The following HERC1 variants were observed in gnomAD, a reference collection of about 807,000 sequenced individuals.
The protein encoded by HERC1 is HECT and RLD domain containing E3 ubiquitin protein ligase family member 1.
HERC1 carries 160 observed loss-of-function variants against 554.3 expected under a neutral mutation model. The observed-to-expected ratio is 0.29, with a 90% confidence interval of 0.25 to 0.33. The LOEUF is 0.33. Among genes scored for constraint, HERC1 ranks in the 10% least tolerant of loss-of-function variants. The probability of loss-of-function intolerance (pLI) is 1.00; values close to 1 mark genes in which losing one functional copy is unlikely to be tolerated. For missense variants in HERC1, 4,919 were observed against 5,918.5 expected (o/e 0.83, Z 5.54); for synonymous variants, 2,175 against 2,131.7 (o/e 1.02, Z -0.56).
intron 74 of HERC1, among the ~76,000 whole-genome samples, chr15:63,622,206 C>T (rs1490907524): frequency 1.3e-5 from 2 of 152,072 alleles, no homozygotes; most frequent in Non-Finnish European, 2.9e-5. Flanking sequence ...ATGGGGAGGC[C>T]ATGTGGGCCT....
chr15:63,756,374 G>T lies in HERC1; in HGVS notation c.1533+63C>A. 1 of 1,353,438 alleles carries T rather than the reference G, an allele frequency of 7.4e-7. No homozygotes were observed. The highest frequency in any genetic ancestry group is 1.4e-5 in the South Asian group (1 of 73,044). 83.8% of individuals were successfully genotyped at this position (1,353,438 alleles called of 1,614,324 possible). A position where few individuals can be genotyped will look rare whatever the true frequency, so the allele number is the denominator to read the frequency against. On this transcript the variant is annotated intron_variant, in intron 5 of 77. Coordinates refer to ENST00000443617, the MANE Select transcript of HERC1 (RefSeq NM_003922.4). This position sits in a 1 kb window ranked among gnomAD's most constrained non-coding sequence, Gnocchi z 5.0. ...AGAAAGAACACATCAAAATCTGAACGACATTGTCAATTACAACTCCAATGC... is the reference window on the plus strand; with the variant it reads ...AGAAAGAACACATCAAAATCTGAACTACATTGTCAATTACAACTCCAATGC...
Position 63,677,175 on chromosome 15 carries a change from T to C in HERC1, c.7070+670A>G, listed in dbSNP as rs1420434352. On this transcript the variant is annotated intron_variant, in intron 37 of 77. Coordinates refer to ENST00000443617, the MANE Select transcript of HERC1 (RefSeq NM_003922.4). This position sits in a 1 kb window ranked among gnomAD's most constrained non-coding sequence, Gnocchi z 4.4. ...CAATGGAAATATTCATTGGAGCACT[T>C]TGGATTTTGGATTTTTGGATTTGGG... 1.3e-5 allele frequency among the ~76,000 whole-genome samples: 2 copies of C among 152,184 alleles called. No individual in the cohort carries two copies. The highest frequency in any genetic ancestry group is 4.1e-4 in the South Asian group (2 of 4,836).
intron 32 of HERC1, among the ~76,000 whole-genome samples, chr15:63,690,166 CAAAAAAA>C (rs373716359): frequency 3.9e-5 from 3 of 77,832 alleles, no homozygotes; most frequent in South Asian, 4.4e-4. Flanking sequence ...GACTCCATCT[CAAAAAAA>C]AAAAAAAAAA....
intron 34 of HERC1, among the ~76,000 whole-genome samples, chr15:63,684,350 T>C (rs1181903577): frequency 6.6e-6 from 1 of 152,320 alleles, no homozygotes; most frequent in South Asian, 2.1e-4. Flanking sequence ...GCCCACTGGA[T>C]AAATGATTAG....
rs34447047 is a variant in HERC1 at position 63,616,250 on chromosome 15, C to CTCTA, written c.13941+176_13941+179dup. ...AGGAGCAACTAAGTGCAGGAGCCTG[C>CTCTA]TCTATTAGAAGCTGTTTAAACTGCT... On this transcript the variant is annotated intron_variant, in intron 75 of 77. Transcript: ENST00000443617. 0.81 allele frequency among the ~76,000 whole-genome samples: 123,487 copies of CTCTA among 151,758 alleles called. 52,105 individuals are homozygous for CTCTA. Among genetic ancestry groups the CTCTA allele is most frequent in the Non-Finnish European group, 0.88 (59,462 of 67,888 alleles).
At position 63,692,121 on chromosome 15, in the gene HERC1, C is replaced by T. The variant is rs2072148492; in HGVS notation, c.5830+290G>A. On this transcript the variant is annotated intron_variant, in intron 31 of 77. Coordinates refer to ENST00000443617, the MANE Select transcript of HERC1 (RefSeq NM_003922.4). The surrounding 1 kb of genome is among the most constrained non-coding windows in gnomAD (Gnocchi z 4.7). ...AAGGTCGGAATCTGTGCTAAAATAT[C>T]GTATTAAACAGGATGTTCTCTGCTT... 6.6e-6 allele frequency among the ~76,000 whole-genome samples: 1 copy of T among 152,140 alleles called. No individual in the cohort carries two copies. The highest frequency in any genetic ancestry group is 2.4e-5 in the African/African-American group (1 of 41,426).
intron 1 of HERC1, among the ~76,000 whole-genome samples, chr15:63,793,938 C>G (rs546593806): frequency 2.6e-4 from 40 of 152,262 alleles, no homozygotes; most frequent in African/African-American, 9.1e-4. Context: ...AAATACAGGT[C>G]ATAAAGACCT....
intron 1 of HERC1, among the ~76,000 whole-genome samples, chr15:63,789,723 G>A (rs1433193184): frequency 1.2e-4 from 18 of 151,746 alleles, no homozygotes; most frequent in African/African-American, 3.9e-4. Flanking sequence ...ACCTGAACCC[G>A]GGAGGTGGAA....
Position 63,648,268 on chromosome 15 carries a change from G to A in HERC1, c.10748-69C>T, listed in dbSNP as rs527956325. On this transcript the variant is annotated intron_variant, in intron 54 of 77. Coordinates refer to ENST00000443617, the MANE Select transcript of HERC1 (RefSeq NM_003922.4). Reference sequence around the variant, plus strand: ...GTCATTGTCTGACTTAAAAGACAGAGACTTTGAAACAAATAATGATAATGC... The same window carrying A: ...GTCATTGTCTGACTTAAAAGACAGAAACTTTGAAACAAATAATGATAATGC... The A allele has an allele frequency of 8.4e-6, 12 of 1,436,182 alleles. No individual in the cohort carries two copies. The African/African-American group carries it at 9.9e-5, about 12-fold the overall frequency. 89.0% of individuals were successfully genotyped at this position (1,436,182 alleles called of 1,614,324 possible).
intron 12 of HERC1, among the ~76,000 whole-genome samples, chr15:63,735,468 A>G (rs2074461749): frequency 6.6e-6 from 1 of 151,836 alleles, no homozygotes. Context: ...TAGGTGCAGC[A>G]CACCAACATG....
At position 63,612,600 on chromosome 15, in the gene HERC1, C is replaced by T. The variant is rs1347888632; in HGVS notation, c.14095-44G>A. Reference sequence around the variant, plus strand: ...GCTCATTCAATGAGTGTGCGTGAACCTGGCACCCACCAAGGGCCCTGTGGG... The same window carrying T: ...GCTCATTCAATGAGTGTGCGTGAACTTGGCACCCACCAAGGGCCCTGTGGG... On this transcript the variant is annotated intron_variant, in intron 76 of 77. Transcript: ENST00000443617. The surrounding 1 kb of genome is among the most constrained non-coding windows in gnomAD (Gnocchi z 5.0). 6.4e-7 allele frequency: 1 copy of T among 1,573,648 alleles called. No individual in the cohort carries two copies. The highest frequency in any genetic ancestry group is 1.3e-5 in the African/African-American group (1 of 74,480).
chr15:63,790,788 T>G (rs868706503), intron 1 of HERC1, among the ~76,000 whole-genome samples: 2 of 151,844 alleles, frequency 1.3e-5, no homozygotes, highest in South Asian at 4.2e-4. Flanking sequence ...CTTTTTTTTT[T>G]TTTTAATTCT....
Position 63,694,958 on chromosome 15 carries a change from G to A in HERC1, c.5122-64C>T. ...CAATAATACCTGCTTGCAAAAAGAA[G>A]TAATAACATTTTATTTCTAGTCTAT... On this transcript the variant is annotated intron_variant, in intron 27 of 77. Transcript: ENST00000443617. This position sits in a 1 kb window ranked among gnomAD's most constrained non-coding sequence, Gnocchi z 4.3. 3.4e-6 allele frequency: 5 copies of A among 1,452,376 alleles called. No individual in the cohort carries two copies. Among genetic ancestry groups the A allele is most frequent in the Non-Finnish European group, 3.7e-6 (4 of 1,068,492 alleles). The allele number at this position is 1,452,376 out of a possible 1,614,324, so 90.0% of individuals were successfully genotyped here.
At chr15:63,649,659 C>T in intron 54 of HERC1, 66 bp downstream of exon 54, 4 of 1,322,080 alleles carry the variant, frequency 3.0e-6, no homozygotes, top group Non-Finnish European at 4.2e-6. Flanking sequence ...AAAGCAAATG[C>T]CAAAAAGCTA....
rs573648232 is a variant in HERC1 at position 63,720,103 on chromosome 15, C to CTTTTTT, written c.3743-1212_3743-1207dup. 6.4e-4 allele frequency among the ~76,000 whole-genome samples: 46 copies of CTTTTTT among 71,596 alleles called. 9 individuals carry two copies. The highest frequency in any genetic ancestry group is 1.2e-3 in the African/African-American group (20 of 16,612). 47.0% of individuals were successfully genotyped at this position (71,596 alleles called of 152,430 possible). ...GGACTAGTCAGGTGCTTTTTCTTCC[C>CTTTTTT]TTTTTTTTTTTTTTTAAGAGACAGG... On this transcript the variant is annotated intron_variant, in intron 19 of 77. Coordinates refer to ENST00000443617, the MANE Select transcript of HERC1 (RefSeq NM_003922.4).
chr15:63,776,271 T>C (rs1454960619), intron 1 of HERC1, among the ~76,000 whole-genome samples: 1 of 152,076 alleles, frequency 6.6e-6, no homozygotes, highest in South Asian at 2.1e-4. Context: ...ATCTCAAAAT[T>C]AACATATCCA....
At chr15:63,657,830 CT>C (rs199774775) in intron 48 of HERC1, among the ~76,000 whole-genome samples, 2 of 150,788 alleles carry the variant, frequency 1.3e-5, no homozygotes, top group African/African-American at 2.4e-5. Context: ...GGGACCAAGG[CT>C]TTTTTTTTCT....
intron 1 of HERC1, among the ~76,000 whole-genome samples, chr15:63,800,921 C>T (rs2076962850): frequency 1.3e-5 from 2 of 152,102 alleles, no homozygotes; most frequent in African/African-American, 4.8e-5. Context: ...CTTTCAGTTC[C>T]ACCACCAGAC....
chr15:63,616,689 A>C lies in HERC1; in HGVS notation c.13689-7T>G, dbSNP rs1437487797. On this transcript the variant is annotated splice_polypyrimidine_tract_variant and splice_region_variant and intron_variant, in intron 74 of 77. Coordinates refer to ENST00000443617, the MANE Select transcript of HERC1 (RefSeq NM_003922.4). ...AGAAGGGTTAAAAAGGAACCTGTAA[A>C]ATTAAAGGGAATATTTCAAACAGCA... is the stretch of plus-strand genomic sequence containing the variant. 1 of 1,610,504 alleles carries C rather than the reference A, an allele frequency of 6.2e-7. No individual in the cohort carries two copies. The highest frequency in any genetic ancestry group is 1.7e-5 in the Admixed American group (1 of 59,568).
Sources: gnomAD v4.1 joint callset for allele counts (sites outside exome capture counted in the v4.1 genomes callset) on GRCh38, gnomAD v4.1.1 for gene constraint, Gnocchi (gnomAD v3.1) non-coding constraint, MANE v1.5 for transcripts, NCBI Gene and HGNC (gene_info 2026-07-23, HGNC 2026-07-21) for gene names.